NAGK: variants seen among roughly 807,000 people sequenced by gnomAD.
The protein encoded by NAGK is N-acetylglucosamine kinase.
In NAGK, 35 loss-of-function variants were observed where a neutral mutation model predicts 42.9. That is an observed-to-expected ratio of 0.82 (90% CI 0.62 to 1.08). NAGK has a LOEUF of 1.08. NAGK is among the 50% of genes least tolerant of loss of function. The probability of loss-of-function intolerance (pLI) is 0.00; values close to 1 mark genes in which losing one functional copy is unlikely to be tolerated. For synonymous variants in NAGK, 172 were observed against 176.0 expected, an observed-to-expected ratio of 0.98 and a Z score of 0.18; for missense variants, 446 against 446.0, an observed-to-expected ratio of 1.00 and a Z score of 0.00.
rs772670923 is a variant in NAGK at position 71,070,561 on chromosome 2, C to T, written c.89C>T (p.Ala30Val). 1 of 1,614,066 alleles carries T rather than the reference C, an allele frequency of 6.2e-7. No individual in the cohort carries two copies. Among genetic ancestry groups the T allele is most frequent in the South Asian group, 1.1e-5 (1 of 91,068 alleles). Residue 30 changes from alanine (A) to valine (V), a missense_variant, in exon 2 of 10, where the codon GCA (alanine) becomes GTA (valine). Ala to Val is a moderately conservative substitution (Grantham distance 64). Coordinates refer to ENST00000244204, the MANE Select transcript of NAGK (RefSeq NM_017567.6). ...GAGGATGGGAAGATCCTGGCAGAAG[C>T]AGATGGACTGAGCACAAACCACTGG... ...VSEDGKILAE[A>V]DGLSTNHWLI...
chr2:71,071,332 A>G, intron 3 of NAGK: 1 of 311,874 alleles, frequency 3.2e-6, no homozygotes. Flanking sequence ...TATATGTGAG[A>G]TGTTCTGCAG....
At position 71,078,664 on chromosome 2, in the gene NAGK, T is replaced by G. The variant is rs1344794930; in HGVS notation, c.*156T>G. 19 of 890,412 alleles carry G rather than the reference T, an allele frequency of 2.1e-5. No homozygotes were observed. The African/African-American group carries it at 2.5e-4, about 12-fold the overall frequency. The allele number at this position is 890,412 out of a possible 1,614,324, so 55.2% of individuals were successfully genotyped here. The stretch of plus-strand genomic sequence containing the variant: ...CAATTGGACTGCATTATCAAACACA[T>G]GTGCTATGTACATCCTCAGTGCACC... On this transcript the variant is annotated 3_prime_UTR_variant, in exon 10 of 10. Transcript: ENST00000244204.
In NAGK at chr2:71,071,702, G is replaced by T. The variant is rs1572976683; in HGVS notation, c.230G>T (p.Gly77Val). The change falls in exon 4 of 10, where the codon GGT becomes GTT. Residue 77 changes from glycine (G) to valine (V), a missense_variant. By Grantham distance (109) the Gly-to-Val change is moderately radical. Coordinates refer to ENST00000244204, the MANE Select transcript of NAGK (RefSeq NM_017567.6). ...GTGGCCTAGGGCCTATCTCTGAGCG[G>T]TGGGGACCAGGAGGACGCGGGGAGG... ...PLRSLGLSLS[G>V]GDQEDAGRIL... 3 of 1,613,526 alleles carry T rather than the reference G, an allele frequency of 1.9e-6. No individual in the cohort carries two copies. The highest frequency in any genetic ancestry group is 2.7e-5 in the African/African-American group (2 of 74,914).
At chr2:71,068,571 T>G, upstream of NAGK, 2 of 1,517,860 alleles carry the variant, frequency 1.3e-6, no homozygotes, top group South Asian at 1.2e-5. Context: ...GGGAGTCAGC[T>G]GGCTGCGCGG....
At chr2:71,070,684 G>T (rs576876296) in intron 2 of NAGK, 57 bp from the exon 3 acceptor site, 212 of 1,609,736 alleles carry the variant, frequency 1.3e-4, no homozygotes, top group Non-Finnish European at 1.7e-4. Context: ...GCAGCCTGTG[G>T]GGGCAACATA....
At position 71,068,700 on chromosome 2, in the gene NAGK, G is replaced by C. The variant is rs2241265; in HGVS notation, c.17G>C (p.Gly6Ala). The C allele has an allele frequency of 3.2e-5, 48 of 1,486,428 alleles. No individual in the cohort carries two copies. The highest frequency in any genetic ancestry group is 3.8e-5 in the Non-Finnish European group (43 of 1,121,040). 92.1% of individuals were successfully genotyped at this position (1,486,428 alleles called of 1,614,324 possible). A position where few individuals can be genotyped will look rare whatever the true frequency, so the allele number is the denominator to read the frequency against. Residue 6 changes from glycine to alanine, a missense_variant, in exon 1 of 10, where the codon GGG becomes GCG. By Grantham distance (60) the Gly-to-Ala change is moderately conservative. Transcript: ENST00000244204. MAAIY[G>A]GVEGGGTRSE... The stretch of plus-strand genomic sequence containing the variant: ...AGCAGCAGCATGGCCGCGATCTATG[G>C]GGGTGTAGAGGGGTGAGTGCGGCCC...
upstream of NAGK, chr2:71,068,507 G>C (rs1325704462): frequency 2.1e-6 from 3 of 1,431,772 alleles, no homozygotes; most frequent in Non-Finnish European, 1.8e-6. Context: ...CCTGAGGGAC[G>C]CAGCCATCCC....
Position 71,077,571 on chromosome 2 carries a change from G to C in NAGK, c.779G>C (p.Gly260Ala). 6.2e-7 allele frequency: 1 copy of C among 1,608,604 alleles called. No homozygotes were observed. The highest frequency in any genetic ancestry group is 2.2e-5 in the East Asian group (1 of 44,630). Reference protein sequence around the residue: ...LPEIDPVLFQGKIGLPILCVG... With the variant: ...LPEIDPVLFQAKIGLPILCVG... The stretch of plus-strand genomic sequence containing the variant: ...CTCTCCACCCAGGTCTTGTTCCAGG[G>C]CAAGATTGGACTCCCCATCCTGTGC... The change falls in exon 9 of 10, where the codon GGC becomes GCC. Residue 260 changes from glycine (G) to alanine (A), a missense_variant. Gly to Ala is a moderately conservative substitution (Grantham distance 60). Coordinates refer to ENST00000244204, the MANE Select transcript of NAGK (RefSeq NM_017567.6).
upstream of NAGK, chr2:71,068,455 C>G: frequency 7.2e-7 from 1 of 1,383,140 alleles, no homozygotes. Context: ...CCGCTGCGGA[C>G]CGCAGTCGCT....
intron 1 of NAGK, 91 bp downstream of exon 1, chr2:71,068,803 G>T: frequency 7.1e-7 from 1 of 1,416,292 alleles, no homozygotes; most frequent in South Asian, 1.5e-5. Context: ...GATCCTCGGC[G>T]TCCGGGCACT....
chr2:71,072,445 T>TA, intron 4 of NAGK, 196 bp from the exon 5 acceptor site: 2 of 544,190 alleles, frequency 3.7e-6, no homozygotes, highest in South Asian at 4.1e-5. Context: ...ACGAGGGCGT[T>TA]ATGGGATTAG....
intron 4 of NAGK, 53 bp downstream of exon 4, chr2:71,071,880 C>T: frequency 6.2e-7 from 1 of 1,601,242 alleles, no homozygotes; most frequent in South Asian, 1.1e-5. Context: ...TTGGGAAAGC[C>T]CCTTAGATAT....
rs972844329 is a variant in NAGK at position 71,078,768 on chromosome 2, G to C, written c.*260G>C. 2 of 445,666 alleles carry C rather than the reference G, an allele frequency of 4.5e-6. No individual in the cohort carries two copies. The highest frequency in any genetic ancestry group is 8.0e-6 in the Non-Finnish European group (2 of 249,940). The allele number at this position is 445,666 out of a possible 1,614,324, so 27.6% of individuals were successfully genotyped here. ...CCCTGCCCCCAGGTGCTCAGCCTGTGATCTGTATCCACTCAGCATGCACTT... is the reference window on the plus strand; with the variant it reads ...CCCTGCCCCCAGGTGCTCAGCCTGTCATCTGTATCCACTCAGCATGCACTT... On this transcript the variant is annotated 3_prime_UTR_variant, in exon 10 of 10. Transcript: ENST00000244204.
chr2:71,068,306 C>T (rs1480820384), upstream of NAGK: 2 of 478,516 alleles, frequency 4.2e-6, no homozygotes, highest in Admixed American at 4.5e-5. Context: ...GCGGGACTGC[C>T]AGCAACTTCC....
At chr2:71,070,920 G>A in intron 3 of NAGK, 81 bp downstream of exon 3, 1 of 1,376,032 alleles carries the variant, frequency 7.3e-7, no homozygotes, top group Non-Finnish European at 1.0e-6. Flanking sequence ...TGAGTTTGAT[G>A]ACTGCAGAGG....
upstream of NAGK, chr2:71,068,397 G>C (rs1671857691): frequency 8.8e-7 from 1 of 1,135,622 alleles, no homozygotes; most frequent in South Asian, 1.8e-5. Context: ...TCCTCCTCTT[G>C]GGATTAGTGT....
chr2:71,077,644 TG>T lies in NAGK; in HGVS notation c.844+14del, dbSNP rs751806230. On this transcript the variant is annotated intron_variant, in intron 9 of 9. Coordinates refer to ENST00000244204, the MANE Select transcript of NAGK (RefSeq NM_017567.6). ...GGGAGCTGCTGAAGGAAGGTGAGCC[TG>T]GGGGGAGGCTGGAAGGGCAAGGGCA... 1.9e-6 allele frequency: 3 copies of T among 1,599,998 alleles called. No homozygotes were observed. The highest frequency in any genetic ancestry group is 2.6e-6 in the Non-Finnish European group (3 of 1,173,240).
intron 3 of NAGK, 66 bp downstream of exon 3, chr2:71,070,905 C>T: frequency 6.6e-7 from 1 of 1,522,970 alleles, no homozygotes; most frequent in Non-Finnish European, 9.1e-7. Context: ...CAAGTTTGGA[C>T]TAGATGAGTT....
chr2:71,076,539 A>C (rs1672217152), intron 7 of NAGK, 65 bp from the exon 8 acceptor site: 7 of 1,319,776 alleles, frequency 5.3e-6, no homozygotes, highest in Non-Finnish European at 7.5e-6. Flanking sequence ...CAGAGAGAGG[A>C]TAGCCCAGGA....
Sources: gnomAD v4.1 joint callset for allele counts on GRCh38, gnomAD v4.1.1 for gene constraint, MANE v1.5 for transcripts, NCBI Gene and HGNC (gene_info 2026-07-23, HGNC 2026-07-21) for gene names.